Variants in NUBPL observed in about 807,000 individuals in gnomAD.
NUBPL encodes iron-sulfur cluster transfer protein NUBPL.
NUBPL carries 31 observed loss-of-function variants against 45.7 expected under a neutral mutation model. The ratio of observed to expected loss-of-function variants is 0.68; its 90% CI spans 0.51 to 0.92. The LOEUF is 0.92. Ranked by LOEUF, NUBPL falls within the 40% of genes least tolerant of loss-of-function variation. The pLI, the probability that NUBPL is intolerant of heterozygous loss-of-function variation, is 0.00. For missense variants in NUBPL, 401 were observed against 398.7 expected (o/e 1.01, Z -0.05); for synonymous variants, 144 against 140.9 (o/e 1.02, Z -0.15).
intron 4 of NUBPL, among the ~76,000 whole-genome samples, chr14:31,671,588 T>G (rs1452260916): frequency 6.6e-6 from 1 of 152,144 alleles, no homozygotes; most frequent in African/African-American, 2.4e-5. Flanking sequence ...TGGCCAAAAA[T>G]ATTGCCAACC....
chr14:31,665,821 A>C lies in NUBPL; in HGVS notation c.383-7534A>C, dbSNP rs142518916. On this transcript the variant is annotated intron_variant, in intron 4 of 10. Transcript: ENST00000281081. ...TGTCTTGTTGATCTGTCTAGTATTG[A>C]CAGTGGGGTGTTAAAGTCTCCCACT... Among the ~76,000 whole-genome samples, 20 of 152,192 alleles carry C rather than the reference A, an allele frequency of 1.3e-4. No individual in the cohort carries two copies. In the East Asian group the frequency reaches 3.3e-3, roughly 25 times the overall value.
At chr14:31,724,770 A>G (rs1040797568) in intron 6 of NUBPL, among the ~76,000 whole-genome samples, 1 of 152,226 alleles carries the variant, frequency 6.6e-6, no homozygotes, top group African/African-American at 2.4e-5. Flanking sequence ...TTGGTGGTAG[A>G]GACAGAAACA....
At chr14:31,857,849 T>C (rs2040649319) in intron 10 of NUBPL, among the ~76,000 whole-genome samples, 1 of 152,024 alleles carries the variant, frequency 6.6e-6, no homozygotes, top group South Asian at 2.1e-4. Context: ...ACTTTCCACA[T>C]TTTCCTGTCT....
Position 31,645,126 on chromosome 14 carries a change from C to T in NUBPL, c.383-28229C>T, listed in dbSNP as rs560562965. 8.1e-5 allele frequency among the ~76,000 whole-genome samples: 12 copies of T among 149,038 alleles called. No individual in the cohort carries two copies. The East Asian group carries it at 1.2e-3, about 15-fold the overall frequency. ...TGTCGCCCAGGCTGGAGTGCAGTGGCGCAATCTTGGCTCACTGCAAGCTCC... is the reference window on the plus strand; with the variant it reads ...TGTCGCCCAGGCTGGAGTGCAGTGGTGCAATCTTGGCTCACTGCAAGCTCC... On this transcript the variant is annotated intron_variant, in intron 4 of 10. Transcript: ENST00000281081.
intron 6 of NUBPL, among the ~76,000 whole-genome samples, chr14:31,731,135 A>G (rs1431259748): frequency 1.3e-5 from 2 of 152,214 alleles, no homozygotes; most frequent in East Asian, 1.9e-4. Context: ...AAGCAGTAAG[A>G]TAATAGTAAA....
chr14:31,829,701 G>A (rs1311333422), intron 8 of NUBPL, among the ~76,000 whole-genome samples: 4 of 152,058 alleles, frequency 2.6e-5, no homozygotes, highest in Admixed American at 1.3e-4. Flanking sequence ...CCATGGAAAC[G>A]ATGATGTCAT....
intron 3 of NUBPL, among the ~76,000 whole-genome samples, chr14:31,571,774 T>C (rs1299426958): frequency 1.3e-5 from 2 of 152,112 alleles, no homozygotes; most frequent in African/African-American, 4.8e-5. Context: ...TCTTTTGAAA[T>C]CCAGTAACAC....
At chr14:31,642,032 A>G (rs1330369219) in intron 4 of NUBPL, among the ~76,000 whole-genome samples, 3 of 152,074 alleles carry the variant, frequency 2.0e-5, no homozygotes, top group Non-Finnish European at 4.4e-5. Context: ...TCAGGTTATT[A>G]TTATTTTACT....
At chr14:31,826,785 A>G (rs919258615) in intron 8 of NUBPL, 71 bp downstream of exon 8, 5 of 1,394,376 alleles carry the variant, frequency 3.6e-6, no homozygotes, top group Non-Finnish European at 5.1e-6. Flanking sequence ...ATTGAAAAAT[A>G]CAGTTGAAGT....
intron 6 of NUBPL, among the ~76,000 whole-genome samples, chr14:31,772,901 T>G (rs964981006): frequency 6.6e-6 from 1 of 152,164 alleles, no homozygotes; most frequent in Non-Finnish European, 1.5e-5. Context: ...AGAAAGACAT[T>G]GTAAAAAGGA....
At chr14:31,682,195 G>A (rs1426700794) in intron 6 of NUBPL, among the ~76,000 whole-genome samples, 1 of 151,836 alleles carries the variant, frequency 6.6e-6, no homozygotes, top group African/African-American at 2.4e-5. Context: ...AATATATTTT[G>A]GAGTTCTGTT....
intron 6 of NUBPL, among the ~76,000 whole-genome samples, chr14:31,695,399 C>T (rs1444882408): frequency 1.4e-5 from 2 of 144,528 alleles, no homozygotes; most frequent in Non-Finnish European, 3.0e-5. Flanking sequence ...CCAAAAATTA[C>T]TGCAACTTTT....
In NUBPL at chr14:31,561,520, A is replaced by T. The variant is rs1304946159; in HGVS notation, c.81A>T (p.Gly27=). The T allele has an allele frequency of 7.3e-7, 1 of 1,377,390 alleles. No homozygotes were observed. The highest frequency in any genetic ancestry group is 2.8e-5 in the East Asian group (1 of 36,274). 85.3% of individuals were successfully genotyped at this position (1,377,390 alleles called of 1,614,324 possible). A position where few individuals can be genotyped will look rare whatever the true frequency, so the allele number is the denominator to read the frequency against. Residue 27 remains glycine, a synonymous_variant, in exon 1 of 11, where the codon GGA becomes GGT. Coordinates refer to ENST00000281081, the MANE Select transcript of NUBPL (RefSeq NM_025152.3). ...GCGGGGCCACTGCCCCGCTTGGGGG[A>T]AGCCGAGCGATGGTTTGTGGGCGCC... is the stretch of plus-strand genomic sequence containing the variant. The part of the protein sequence containing the change: ...AGGGATAPLG[G]SRAMVCGRQL...
chr14:31,850,107 G>A lies in NUBPL; in HGVS notation c.815-12G>A. On this transcript the variant is annotated splice_polypyrimidine_tract_variant and intron_variant, in intron 9 of 10. Coordinates refer to ENST00000281081, the MANE Select transcript of NUBPL (RefSeq NM_025152.3). ...TTTCTGGTTCTAATGGATGTCTGCT[G>A]GGCTCTTTTAGGAGACATTCCCTTA... The A allele has an allele frequency of 6.2e-7, 1 of 1,605,294 alleles. No individual in the cohort carries two copies. The highest frequency in any genetic ancestry group is 1.3e-5 in the African/African-American group (1 of 74,836).
intron 6 of NUBPL, among the ~76,000 whole-genome samples, chr14:31,770,395 A>T (rs1017373619): frequency 2.6e-5 from 4 of 152,064 alleles, no homozygotes; most frequent in African/African-American, 9.7e-5. Flanking sequence ...TGCTGAGTCT[A>T]CTTCTGGGTG....
chr14:31,757,613 C>T (rs1261888066), intron 6 of NUBPL, among the ~76,000 whole-genome samples: 1 of 152,024 alleles, frequency 6.6e-6, no homozygotes, highest in Non-Finnish European at 1.5e-5. Context: ...GATATGATAT[C>T]TGAAGGGTAA....
At chr14:31,822,676 C>T (rs2138953665) in intron 7 of NUBPL, among the ~76,000 whole-genome samples, 1 of 151,896 alleles carries the variant, frequency 6.6e-6, no homozygotes, top group African/African-American at 2.4e-5. Flanking sequence ...AGCAAAATAC[C>T]CCATATATTT....
At chr14:31,759,967 A>G (rs2038763147) in intron 6 of NUBPL, among the ~76,000 whole-genome samples, 1 of 151,304 alleles carries the variant, frequency 6.6e-6, no homozygotes, top group African/African-American at 2.4e-5. Flanking sequence ...TTTGACTCAC[A>G]TTATTTTCAA....
rs189032732 is a variant in NUBPL, at chr14:31,581,776, T to A, written c.291+16728T>A. Among the ~76,000 whole-genome samples the A allele has an allele frequency of 2.2e-3, 328 of 152,264 alleles. 1 individual carries two copies. Among genetic ancestry groups the A allele is most frequent in the African/African-American group, 7.5e-3 (313 of 41,560 alleles). On this transcript the variant is annotated intron_variant, in intron 3 of 10. Coordinates refer to ENST00000281081, the MANE Select transcript of NUBPL (RefSeq NM_025152.3). ...AGAGGTTGGGGCTGGAGATTTAAAT[T>A]TGGATGTCAGCATAGTATAGGTGGT...
Sources: gnomAD v4.1 joint callset for allele counts (sites outside exome capture counted in the v4.1 genomes callset) on GRCh38, gnomAD v4.1.1 for gene constraint, MANE v1.5 for transcripts, NCBI Gene and HGNC (gene_info 2026-07-23, HGNC 2026-07-21) for gene names.